Variants in NOS1 observed in about 807,000 individuals in gnomAD.
NOS1 encodes NOS type I.
A neutral mutation model predicts 164.5 loss-of-function variants in NOS1; 51 were observed. The ratio of observed to expected loss-of-function variants is 0.31; its 90% CI spans 0.25 to 0.39. The LOEUF (loss-of-function observed/expected upper bound fraction) is 0.39. NOS1 is among the 10% of genes least tolerant of loss of function. The pLI is 1.00. For missense variants in NOS1, 1,362 were observed against 1,885.6 expected, an observed-to-expected ratio of 0.72 and a Z score of 5.14; for synonymous variants, 719 against 745.8, an observed-to-expected ratio of 0.96 and a Z score of 0.59.
intron 25 of NOS1, among the ~76,000 whole-genome samples, chr12:117,224,401 A>C (rs1190176143): frequency 4.0e-5 from 6 of 151,792 alleles, no homozygotes; most frequent in Admixed American, 2.6e-4. Flanking sequence ...TTCTCTCACC[A>C]CAGCCTCCCA....
At position 117,234,871 on chromosome 12, in the gene NOS1, G is replaced by A; in HGVS notation, c.3042-113C>T. ...AATTCTCCTCCTTCCATTCTTGTTGGGGCCCGTGCTAACCAAGCCTATGCC... is the reference window on the plus strand; with the variant it reads ...AATTCTCCTCCTTCCATTCTTGTTGAGGCCCGTGCTAACCAAGCCTATGCC... On this transcript the variant is annotated intron_variant, in intron 20 of 28. Transcript: ENST00000317775. This position sits in a 1 kb window ranked among gnomAD's most constrained non-coding sequence, Gnocchi z 4.3. The A allele has an allele frequency of 1.3e-6, 1 of 797,110 alleles. No homozygotes were observed. The highest frequency in any genetic ancestry group is 2.7e-5 in the Admixed American group (1 of 36,446). 49.4% of individuals were successfully genotyped at this position (797,110 alleles called of 1,614,324 possible).
At chr12:117,271,314 G>A (rs1216194131) in intron 10 of NOS1, among the ~76,000 whole-genome samples, 2 of 150,402 alleles carry the variant, frequency 1.3e-5, no homozygotes, top group South Asian at 2.1e-4. Flanking sequence ...GACTCGCTCT[G>A]TTGCCCAGGC....
chr12:117,229,562 T>TTCTATCTATCTAACTATCTA (rs1555248789), intron 22 of NOS1, among the ~76,000 whole-genome samples: 6 of 149,284 alleles, frequency 4.0e-5, no homozygotes, highest in African/African-American at 1.5e-4. Flanking sequence ...TATCAAATTC[T>TTCTATCTATCTAACTATCTA]TCTATCTATC....
intron 28 of NOS1, among the ~76,000 whole-genome samples, 195 bp from the exon 29 acceptor site, chr12:117,215,519 C>T (rs1198637036): frequency 6.6e-6 from 1 of 151,802 alleles, no homozygotes; most frequent in East Asian, 1.9e-4. Flanking sequence ...TCACTGCAAT[C>T]CCAGCAGGGT....
intron 12 of NOS1, 23 bp from the exon 13 acceptor site, chr12:117,263,997 A>G (rs1293147337): frequency 6.3e-7 from 1 of 1,599,842 alleles, no homozygotes; most frequent in Non-Finnish European, 8.6e-7. Context: ...GGAGAGGGCT[A>G]TGGTCACTCA....
rs1566020717 is a variant in NOS1 at position 117,214,443 on chromosome 12, T to C, written c.*866A>G. On this transcript the variant is annotated 3_prime_UTR_variant, in exon 29 of 29. Transcript: ENST00000317775. The stretch of plus-strand genomic sequence containing the variant: ...GGAGGAGGGGGTCAGTCAATGGATG[T>C]GGCAAAGTCAAGTGATTCTAGCTGG... The C allele has an allele frequency of 2.0e-6, 2 of 984,968 alleles. No individual in the cohort carries two copies. Among genetic ancestry groups the C allele is most frequent in the Non-Finnish European group, 2.4e-6 (2 of 829,870 alleles). 61.0% of individuals were successfully genotyped at this position (984,968 alleles called of 1,614,324 possible).
chr12:117,335,912 T>G (rs1875797856), intron 1 of NOS1, among the ~76,000 whole-genome samples: 1 of 151,866 alleles, frequency 6.6e-6, no homozygotes, highest in African/African-American at 2.4e-5. Context: ...AGAGACAGAG[T>G]CTCACTATGT....
At chr12:117,266,580 C>T (rs988050494) in intron 11 of NOS1, among the ~76,000 whole-genome samples, 6 of 151,400 alleles carry the variant, frequency 4.0e-5, no homozygotes, top group Middle Eastern at 3.4e-3. Flanking sequence ...CTCTGTCGCC[C>T]AGACTGGAGT....
intron 1 of NOS1, among the ~76,000 whole-genome samples, chr12:117,338,234 AC>A (rs1172521528): frequency 2.0e-5 from 3 of 151,866 alleles, no homozygotes; most frequent in Non-Finnish European, 2.9e-5. Flanking sequence ...ACAAAAAAAA[AC>A]AAAACAAAAC....
chr12:117,337,138 C>G (rs1382945394), intron 1 of NOS1, among the ~76,000 whole-genome samples: 3 of 87,626 alleles, frequency 3.4e-5, no homozygotes, highest in African/African-American at 1.4e-4. Flanking sequence ...TTTTTTGAGA[C>G]GGAGTCTTGC....
At chr12:117,294,818 G>A (rs1357726539) in intron 3 of NOS1, among the ~76,000 whole-genome samples, 1 of 152,146 alleles carries the variant, frequency 6.6e-6, no homozygotes, top group Non-Finnish European at 1.5e-5. Flanking sequence ...ACATTGGCTC[G>A]CTCTTTGTGG....
chr12:117,258,324 C>A (rs924927229), intron 16 of NOS1, 73 bp downstream of exon 16: 9 of 1,465,330 alleles, frequency 6.1e-6, no homozygotes, highest in Non-Finnish European at 8.6e-6. Context: ...CAAATGTGAA[C>A]CCCAGGTGCC....
rs758631242 is a variant in NOS1 at position 117,278,090 on chromosome 12, T to C, written c.1533A>G (p.Ile511Met). ...CTCTAGGCGGTTTCCAGCCCTGCTG[T>C]ATGCATATCTGCAAGCAGACCCGGC... is the stretch of plus-strand genomic sequence containing the variant. ...PANVQFTEIC[I>M]QQGWKPPRGR... The change falls in exon 9 of 29, where the codon ATA becomes ATG. Residue 511 changes from isoleucine to methionine, a missense_variant. Transcript: ENST00000317775. The C allele has an allele frequency of 2.5e-6, 4 of 1,612,500 alleles. No individual in the cohort carries two copies. The East Asian group carries it at 8.9e-5, about 36-fold the overall frequency.
In NOS1 at chr12:117,243,325, A is replaced by C; in HGVS notation, c.2934T>G (p.Phe978Leu). 6.2e-7 allele frequency: 1 copy of C among 1,614,142 alleles called. No homozygotes were observed. Among genetic ancestry groups the C allele is most frequent in the Non-Finnish European group, 8.5e-7 (1 of 1,180,010 alleles). Residue 978 changes from phenylalanine (F) to leucine (L), a missense_variant, in exon 19 of 29, where the codon TTT becomes TTG. Phe to Leu is a conservative substitution (Grantham distance 22, BLOSUM62 0). Transcript: ENST00000317775. The surrounding 1 kb of genome is among the most constrained non-coding windows in gnomAD (Gnocchi z 4.3). ...SWKRNKFRLT[F>L]VAEAPELTQG... The stretch of plus-strand genomic sequence containing the variant: ...GTGTGAGTTCTGGAGCTTCGGCCAC[A>C]AAGGTGAGGCGGAACTTGTTTCTCT...
chr12:117,247,604 TCC>T, intron 17 of NOS1, 82 bp from the exon 18 acceptor site: 1 of 1,252,176 alleles, frequency 8.0e-7, no homozygotes. Context: ...CTAAACTGTG[TCC>T]CCCCAAATTT....
chr12:117,227,007 T>C (rs773483703), intron 23 of NOS1, among the ~76,000 whole-genome samples: 2 of 152,124 alleles, frequency 1.3e-5, no homozygotes, highest in Non-Finnish European at 2.9e-5. Flanking sequence ...TCCTTCCCTA[T>C]TGAAGGGTGC....
intron 13 of NOS1, among the ~76,000 whole-genome samples, chr12:117,261,812 T>C (rs781094429): frequency 1.3e-5 from 2 of 152,148 alleles, no homozygotes; most frequent in Non-Finnish European, 2.9e-5. Context: ...AAAGAAGTTA[T>C]GAATTTTAAA....
At chr12:117,237,501 G>A (rs1434752232) in intron 20 of NOS1, among the ~76,000 whole-genome samples, 7 of 152,050 alleles carry the variant, frequency 4.6e-5, no homozygotes, top group Non-Finnish European at 1.0e-4. Context: ...AAGGGGAAGA[G>A]GCAATGGAAC....
At chr12:117,267,536 G>A (rs546794148) in intron 11 of NOS1, among the ~76,000 whole-genome samples, 85 of 151,322 alleles carry the variant, frequency 5.6e-4, no homozygotes, top group South Asian at 1.1e-3. Flanking sequence ...GCAGTGAGTC[G>A]AGATTGTGCC....
Sources: gnomAD v4.1 joint callset for allele counts (sites outside exome capture counted in the v4.1 genomes callset) on GRCh38, gnomAD v4.1.1 for gene constraint, Gnocchi (gnomAD v3.1) non-coding constraint, MANE v1.5 for transcripts, NCBI Gene and HGNC (gene_info 2026-07-23, HGNC 2026-07-21) for gene names.